FYCO1: variants seen among roughly 807,000 people sequenced by gnomAD.
FYCO1 encodes FYVE and coiled-coil domain-containing protein 1.
A neutral mutation model predicts 165.1 loss-of-function variants in FYCO1; 122 were observed. The ratio of observed to expected loss-of-function variants is 0.74; its 90% CI spans 0.64 to 0.86. The LOEUF is 0.86. Among genes scored for constraint, FYCO1 ranks in the 40% least tolerant of loss-of-function variants. The probability of loss-of-function intolerance (pLI) is 0.00; values close to 1 mark genes in which losing one functional copy is unlikely to be tolerated. For missense variants in FYCO1, 1,702 were observed against 1,810.3 expected, an observed-to-expected ratio of 0.94 and a Z score of 1.09; for synonymous variants, 648 against 742.5, an observed-to-expected ratio of 0.87 and a Z score of 2.07.
chr3:45,940,068 T>A (rs1297536152), intron 14 of FYCO1, among the ~76,000 whole-genome samples: 1 of 152,222 alleles, frequency 6.6e-6, no homozygotes, highest in African/African-American at 2.4e-5. Flanking sequence ...TCTGGGGGCA[T>A]CTTTAAATTT....
At chr3:45,929,353 G>A (rs1703477931) in intron 16 of FYCO1, among the ~76,000 whole-genome samples, 1 of 152,212 alleles carries the variant, frequency 6.6e-6, no homozygotes, top group Non-Finnish European at 1.5e-5. Context: ...CCAGGCTGCT[G>A]AGGACTCGGT....
At position 45,988,285 on chromosome 3, in the gene FYCO1, G is replaced by A. The variant is rs116538460; in HGVS notation, c.-112-3263C>T. Among the ~76,000 whole-genome samples the A allele has an allele frequency of 4.4e-3, 668 of 152,202 alleles. 6 individuals are homozygous for A. The highest frequency in any genetic ancestry group is 3.5e-3 in the Non-Finnish European group (241 of 68,000). On this transcript the variant is annotated intron_variant, in intron 1 of 17. Coordinates refer to ENST00000296137, the MANE Select transcript of FYCO1 (RefSeq NM_024513.4). The stretch of plus-strand genomic sequence containing the variant: ...AGCATCTTGCCCTCCTTGCTCCTCC[G>A]TCTCGGTCTGAGGTCATTACTAACC...
chr3:45,977,289 A>G (rs71615437), intron 4 of FYCO1, among the ~76,000 whole-genome samples: 8,705 of 129,716 alleles, frequency 0.067, 422 homozygotes, highest in Middle Eastern at 0.15. Flanking sequence ...TAGAACATCA[A>G]AACTTTTTTA....
At position 45,969,768 on chromosome 3, in the gene FYCO1, G is replaced by A; in HGVS notation, c.540-3C>T. ...AAGAGCCAGTGGTCAGCGTCCTCCT[G>A]TGGGGCCACAAAACAGACATACCTG... On this transcript the variant is annotated splice_region_variant and splice_polypyrimidine_tract_variant and intron_variant, in intron 6 of 17. Transcript: ENST00000296137. 1 of 1,613,100 alleles carries A rather than the reference G, an allele frequency of 6.2e-7. No individual in the cohort carries two copies. Among genetic ancestry groups the A allele is most frequent in the Non-Finnish European group, 8.5e-7 (1 of 1,179,550 alleles).
Position 45,964,335 on chromosome 3 carries a change from C to T in FYCO1, c.3269+1G>A. 1 of 1,611,746 alleles carries T rather than the reference C, an allele frequency of 6.2e-7. No individual in the cohort carries two copies. Among genetic ancestry groups the T allele is most frequent in the Non-Finnish European group, 8.5e-7 (1 of 1,177,814 alleles). ...AGCTACGTAGGTGGACTGTGACTAA[C>T]CTTTCTAGGTCTTCACGCAGGGCAG... is the stretch of plus-strand genomic sequence containing the variant. On this transcript the variant is annotated splice_donor_variant, in intron 10 of 17. Coordinates refer to ENST00000296137, the MANE Select transcript of FYCO1 (RefSeq NM_024513.4). LOFTEE classifies it high-confidence loss of function. The surrounding 1 kb of genome is among the most constrained non-coding windows in gnomAD (Gnocchi z 4.1).
chr3:45,987,663 G>T (rs972039511), intron 1 of FYCO1, among the ~76,000 whole-genome samples: 1 of 152,246 alleles, frequency 6.6e-6, no homozygotes, highest in Non-Finnish European at 1.5e-5. Flanking sequence ...GACGACTGGA[G>T]TGATACCCTG....
chr3:45,963,317 A>C (rs1395537866), intron 10 of FYCO1, among the ~76,000 whole-genome samples: 1 of 152,336 alleles, frequency 6.6e-6, no homozygotes, highest in Non-Finnish European at 1.5e-5. Context: ...ATGCTCTGAG[A>C]TCTTACAAAA....
chr3:45,977,724 A>G (rs1285926562), intron 4 of FYCO1, among the ~76,000 whole-genome samples: 1 of 152,160 alleles, frequency 6.6e-6, no homozygotes, highest in African/African-American at 2.4e-5. Context: ...AGCTGAGCCC[A>G]TACTGAATCT....
chr3:45,948,793 G>A (rs2125826049), intron 14 of FYCO1, among the ~76,000 whole-genome samples: 1 of 152,290 alleles, frequency 6.6e-6, no homozygotes, highest in South Asian at 2.1e-4. Flanking sequence ...GACGAGAGCT[G>A]AATCCCTGCC....
chr3:45,944,789 C>A (rs773230537), intron 14 of FYCO1, among the ~76,000 whole-genome samples: 1 of 152,196 alleles, frequency 6.6e-6, no homozygotes, highest in Admixed American at 6.5e-5. Flanking sequence ...CAAAAAAAGG[C>A]GAGAGCGAGT....
At chr3:45,957,596 G>A (rs1047990521) in intron 13 of FYCO1, among the ~76,000 whole-genome samples, 6 of 152,206 alleles carry the variant, frequency 3.9e-5, no homozygotes, top group Non-Finnish European at 8.8e-5. Context: ...CAAAAGATTT[G>A]AAGAAGATAA....
chr3:45,969,614 G>C lies in FYCO1; in HGVS notation c.630+61C>G, dbSNP rs542938748. On this transcript the variant is annotated intron_variant, in intron 7 of 17. Transcript: ENST00000296137. ...GAGAACATCACCCTTGAGTTGCTAG[G>C]GGCAAGGACATACCCTGGTAGAAGC... 586 of 1,346,612 alleles carry C rather than the reference G, an allele frequency of 4.4e-4. 14 individuals are homozygous for C. The South Asian group carries it at 6.7e-3, about 15-fold the overall frequency. 83.4% of individuals were successfully genotyped at this position (1,346,612 alleles called of 1,614,324 possible). A position where few individuals can be genotyped will look rare whatever the true frequency, so the allele number is the denominator to read the frequency against.
Position 45,993,444 on chromosome 3 carries a change from T to C in FYCO1, c.-113+2278A>G, listed in dbSNP as rs905766487. Among the ~76,000 whole-genome samples the C allele has an allele frequency of 6.6e-6, 1 of 152,212 alleles. No homozygotes were observed. Among genetic ancestry groups the C allele is most frequent in the African/African-American group, 2.4e-5 (1 of 41,444 alleles). On this transcript the variant is annotated intron_variant, in intron 1 of 17. Coordinates refer to ENST00000296137, the MANE Select transcript of FYCO1 (RefSeq NM_024513.4). This position sits in a 1 kb window ranked among gnomAD's most constrained non-coding sequence, Gnocchi z 4.4. Reference sequence around the variant, plus strand: ...ACGAACAGCAAGAAGGTAAACAGCATTTCCATAGGTAGAACCACAGAAACA... The same window carrying C: ...ACGAACAGCAAGAAGGTAAACAGCACTTCCATAGGTAGAACCACAGAAACA...
rs970550677 is a variant in FYCO1 at position 45,918,759 on chromosome 3, C to T, written c.*3006G>A. The stretch of plus-strand genomic sequence containing the variant: ...CACCATTTATTCTTGAGTTATATGA[C>T]GTGGCTTTTCATTTCTATTCTCCAA... On this transcript the variant is annotated 3_prime_UTR_variant, in exon 18 of 18. Transcript: ENST00000296137. 2 of 152,154 alleles carry T rather than the reference C, an allele frequency of 1.3e-5. No homozygotes were observed. The highest frequency in any genetic ancestry group is 1.5e-5 in the Non-Finnish European group (1 of 68,024). The allele number at this position is 152,154 out of a possible 1,614,324, so 9.4% of individuals were successfully genotyped here. A position where few individuals can be genotyped will look rare whatever the true frequency, so the allele number is the denominator to read the frequency against.
chr3:45,966,263 G>A lies in FYCO1; in HGVS notation c.3057+14C>T, dbSNP rs367818494. 3.1e-6 allele frequency: 5 copies of A among 1,612,274 alleles called. No individual in the cohort carries two copies. In the African/African-American group the frequency reaches 6.7e-5, roughly 22 times the overall value. On this transcript the variant is annotated intron_variant, in intron 8 of 17. Transcript: ENST00000296137. The stretch of plus-strand genomic sequence containing the variant: ...GGAGAGGGGTAGAGCCCAAGTGGTT[G>A]AAGCTAGGATTACCTTAAGTCTGCT...
At chr3:45,947,590 G>C in intron 14 of FYCO1, 1 of 1,120,212 alleles carries the variant, frequency 8.9e-7, no homozygotes, top group Non-Finnish European at 1.3e-6. Flanking sequence ...GGCAGGCTTT[G>C]TTTATAGCTT....
In FYCO1 at chr3:45,923,643, G is replaced by A; in HGVS notation, c.4361+13C>T. 1 of 1,560,314 alleles carries A rather than the reference G, an allele frequency of 6.4e-7. No homozygotes were observed. The highest frequency in any genetic ancestry group is 8.8e-7 in the Non-Finnish European group (1 of 1,130,910). ...GCCTGGAGACGTGGAGCTGGTGCCT[G>A]AGGTGGCCCTACCTTGAGAAGGTAT... On this transcript the variant is annotated intron_variant, in intron 17 of 17. Transcript: ENST00000296137.
chr3:45,946,596 C>T (rs1220162041), intron 14 of FYCO1: 1 of 1,614,170 alleles, frequency 6.2e-7, no homozygotes, highest in Admixed American at 1.7e-5. Context: ...CTGCATGTAC[C>T]TGGTGGTGTT....
chr3:45,967,212 C>T lies in FYCO1; in HGVS notation c.2122G>A (p.Glu708Lys), dbSNP rs776334794. The change falls in exon 8 of 18, where the codon GAG (glutamate) becomes AAG (lysine). Residue 708 changes from glutamate to lysine, a missense_variant. Coordinates refer to ENST00000296137, the MANE Select transcript of FYCO1 (RefSeq NM_024513.4). ...KEAILQSKEG[E>K]CQQLREEVEQ... ...ACCTCCTCCCGCAGCTGCTGACACT[C>T]GCCCTCCTTGCTCTGTAGAATGGCC... is the stretch of plus-strand genomic sequence containing the variant. 24 of 1,613,934 alleles carry T rather than the reference C, an allele frequency of 1.5e-5. No individual in the cohort carries two copies. The highest frequency in any genetic ancestry group is 2.2e-5 in the South Asian group (2 of 91,086).
Sources: gnomAD v4.1 joint callset for allele counts (sites outside exome capture counted in the v4.1 genomes callset) on GRCh38, gnomAD v4.1.1 for gene constraint, Gnocchi (gnomAD v3.1) non-coding constraint, MANE v1.5 for transcripts, NCBI Gene and HGNC (gene_info 2026-07-23, HGNC 2026-07-21) for gene names.